The following PTK2 variants were observed in gnomAD, a reference collection of about 807,000 sequenced individuals.
PTK2 encodes protein tyrosine kinase 2, also known as focal adhesion kinase 1.
A neutral mutation model predicts 150.1 loss-of-function variants in PTK2; 45 were observed. That is an observed-to-expected ratio of 0.30 (90% CI 0.24 to 0.38). The LOEUF (loss-of-function observed/expected upper bound fraction) is 0.38. PTK2 is among the 10% of genes least tolerant of loss of function. PTK2 has a pLI of 1.00. For missense variants in PTK2, 919 were observed against 1,307.3 expected (o/e 0.70, Z 4.58); for synonymous variants, 432 against 449.2 (o/e 0.96, Z 0.48).
At chr8:140,855,356 G>A (rs1201525375) in intron 5 of PTK2, among the ~76,000 whole-genome samples, 4 of 152,152 alleles carry the variant, frequency 2.6e-5, no homozygotes, top group Non-Finnish European at 2.9e-5. Flanking sequence ...AGCACTTTGG[G>A]AGGCCGAGGC....
chr8:140,865,854 G>A (rs1303465246), intron 4 of PTK2, among the ~76,000 whole-genome samples: 1 of 152,116 alleles, frequency 6.6e-6, no homozygotes, highest in African/African-American at 2.4e-5. Flanking sequence ...CACAATCTCG[G>A]CTCACTGCAA....
intron 23 of PTK2, among the ~76,000 whole-genome samples, chr8:140,715,305 TG>T (rs2100039085): frequency 6.6e-6 from 1 of 150,956 alleles, no homozygotes; most frequent in Non-Finnish European, 1.5e-5. Flanking sequence ...CCTGAGTAGC[TG>T]GGATTACAGG....
chr8:140,697,392 T>C (rs927150585), intron 26 of PTK2, among the ~76,000 whole-genome samples: 1 of 151,428 alleles, frequency 6.6e-6, no homozygotes, highest in Admixed American at 6.6e-5. Flanking sequence ...CACATCTAGC[T>C]ACAGGAAGTT....
intron 1 of PTK2, chr8:140,940,669 T>C (rs1187161786): frequency 1.3e-5 from 2 of 152,108 alleles, no homozygotes; most frequent in Non-Finnish European, 2.9e-5. Context: ...AGGCTTAAAA[T>C]AAAATTGTTT....
In PTK2 at chr8:140,890,654, A is replaced by C. The variant is rs2100153920; in HGVS notation, c.84T>G (p.Arg28=). 5.6e-6 allele frequency: 9 copies of C among 1,614,162 alleles called. No homozygotes were observed. The East Asian group carries it at 2.0e-4, about 36-fold the overall frequency. The change falls in exon 3 of 32, where the codon CGT becomes CGG. Residue 28 remains arginine (R), a synonymous_variant. Transcript: ENST00000522684. The stretch of plus-strand genomic sequence containing the variant: ...ATACTCGCTCCATTGCACCAGGAGA[A>C]CGTTCCATACCAGTACCCAGGTGAG...
rs765792463 is a variant in PTK2 at position 140,931,928 on chromosome 8, C to CAA, written c.-121-6181_-121-6180dup. 9.2e-4 allele frequency among the ~76,000 whole-genome samples: 50 copies of CAA among 54,594 alleles called. 3 individuals carry two copies. The highest frequency in any genetic ancestry group is 0.016 in the Middle Eastern group (2 of 124). 35.8% of individuals were successfully genotyped at this position (54,594 alleles called of 152,430 possible). On this transcript the variant is annotated intron_variant, in intron 1 of 31. Transcript: ENST00000522684. ...AGCCTGGGCGACAGAGACCCAGTCT[C>CAA]AAAAAAAAAAAAAAAAAAAAAAAAA...
intron 16 of PTK2, among the ~76,000 whole-genome samples, chr8:140,752,968 C>T (rs1314868947): frequency 1.3e-5 from 2 of 152,162 alleles, no homozygotes; most frequent in Non-Finnish European, 2.9e-5. Context: ...GGGGCCAGAC[C>T]ACACAGGGCC....
At chr8:140,659,767 C>T in intron 31 of PTK2, 89 bp from the exon 36 acceptor site, 2 of 1,230,652 alleles carry the variant, frequency 1.6e-6, no homozygotes, top group Non-Finnish European at 2.3e-6. Context: ...GTTGTCCAAG[C>T]TTGCCTCAAA....
chr8:140,950,589 A>C (rs2154609086), intron 1 of PTK2, among the ~76,000 whole-genome samples: 1 of 152,368 alleles, frequency 6.6e-6, no homozygotes, highest in Admixed American at 6.5e-5. Flanking sequence ...GTGTGAGCCA[A>C]GCACAGCATG....
At chr8:140,902,911 TCTGATG>T (rs2100159100) in intron 2 of PTK2, among the ~76,000 whole-genome samples, 1 of 145,656 alleles carries the variant, frequency 6.9e-6, no homozygotes, top group Non-Finnish European at 1.5e-5. Context: ...GCCTGTTCAC[TCTGATG>T]AGAGTTGTTT....
intron 2 of PTK2, among the ~76,000 whole-genome samples, chr8:140,918,097 TGAGA>T (rs1447556998): frequency 6.6e-6 from 1 of 152,194 alleles, no homozygotes; most frequent in Non-Finnish European, 1.5e-5. Flanking sequence ...TCATTTAAGC[TGAGA>T]CCGAAAAGGT....
intron 7 of PTK2, among the ~76,000 whole-genome samples, chr8:140,839,364 TC>T (rs1285669997): frequency 6.6e-6 from 1 of 152,158 alleles, no homozygotes; most frequent in East Asian, 1.9e-4. Context: ...CAGCCTCTAA[TC>T]CAAGCCACTT....
chr8:140,958,531 A>G (rs902145420), intron 1 of PTK2, among the ~76,000 whole-genome samples: 4 of 152,204 alleles, frequency 2.6e-5, no homozygotes, highest in African/African-American at 7.2e-5. Flanking sequence ...GTGTCCAGAG[A>G]TAATAAGATG....
At chr8:140,800,362 T>C in intron 12 of PTK2, 97 bp downstream of exon 12, 4 of 974,188 alleles carry the variant, frequency 4.1e-6, no homozygotes, top group Non-Finnish European at 6.6e-6. Flanking sequence ...TCTTCATTTT[T>C]ACAGTTACCT....
chr8:140,943,780 G>C (rs2100176690), intron 1 of PTK2, among the ~76,000 whole-genome samples: 1 of 151,954 alleles, frequency 6.6e-6, no homozygotes, highest in African/African-American at 2.4e-5. Context: ...ATTCTAATAG[G>C]GTTGCAATGA....
chr8:140,681,722 A>G (rs1006589958), intron 27 of PTK2, among the ~76,000 whole-genome samples: 23 of 152,270 alleles, frequency 1.5e-4, no homozygotes, highest in African/African-American at 5.5e-4. Context: ...GCTTGCCGTG[A>G]GCCGAGATCG....
chr8:140,827,978 C>T (rs1393794088), intron 8 of PTK2, among the ~76,000 whole-genome samples: 1 of 152,062 alleles, frequency 6.6e-6, no homozygotes, highest in Non-Finnish European at 1.5e-5. Context: ...ACCAGCCCAA[C>T]CAACACAGTG....
chr8:140,731,883 A>G (rs768496966), intron 22 of PTK2, among the ~76,000 whole-genome samples: 3 of 152,174 alleles, frequency 2.0e-5, no homozygotes, highest in African/African-American at 4.8e-5. Context: ...AGCCTGGGCA[A>G]CAGAGGAGAC....
intron 1 of PTK2, among the ~76,000 whole-genome samples, chr8:140,981,003 G>A (rs531733401): frequency 1.1e-4 from 16 of 142,352 alleles, no homozygotes; most frequent in South Asian, 8.9e-4. Context: ...CTCGTGATCC[G>A]CCCACCTCGG....
Sources: allele counts gnomAD v4.1 joint callset (sites outside exome capture counted in the v4.1 genomes callset), GRCh38; gene constraint gnomAD v4.1.1; transcripts MANE v1.5; gene names NCBI Gene and HGNC (gene_info 2026-07-23, HGNC 2026-07-21).